The following MTA3 variants were observed in gnomAD, a reference collection of about 807,000 sequenced individuals.
MTA3 encodes the protein metastasis associated 1 family member 3.
In MTA3, 34 loss-of-function variants were observed where a neutral mutation model predicts 83.5. The observed-to-expected ratio is 0.41, with a 90% CI of 0.31 to 0.54. The LOEUF is 0.54. Among genes scored for constraint, MTA3 ranks in the 20% least tolerant of loss-of-function variants. The pLI, the probability that MTA3 is intolerant of heterozygous loss-of-function variation, is 0.33. For missense variants in MTA3, 761 were observed against 726.4 expected (o/e 1.05, Z -0.55); for synonymous variants, 303 against 252.7 (o/e 1.20, Z -1.89).
rs1267081027 is a variant in MTA3 at position 42,751,872 on chromosome 2, A to G, written c.1760-1502A>G. Among the ~76,000 whole-genome samples, 4 of 152,222 alleles carry G rather than the reference A, an allele frequency of 2.6e-5. No homozygotes were observed. In the East Asian group the frequency reaches 5.8e-4, roughly 22 times the overall value. ...GCTCCTAGGAGACGCTGACACTTAC[A>G]TAACCTTCCATTTAGACACTGAGGA... On this transcript the variant is annotated intron_variant, in intron 16 of 16. Coordinates refer to ENST00000405094, the MANE Select transcript of MTA3 (RefSeq NM_001330442.2).
chr2:42,588,148 G>C (rs1409616753), intron 3 of MTA3, among the ~76,000 whole-genome samples: 1 of 152,024 alleles, frequency 6.6e-6, no homozygotes, highest in Non-Finnish European at 1.5e-5. Flanking sequence ...ACTCCAATTA[G>C]CTTAATGAAT....
At chr2:42,625,699 A>G (rs1041094946) in intron 4 of MTA3, among the ~76,000 whole-genome samples, 2 of 147,434 alleles carry the variant, frequency 1.4e-5, no homozygotes, top group Non-Finnish European at 3.0e-5. Context: ...GTGAACCGAG[A>G]TCACGCCACT....
chr2:42,606,344 G>C (rs533473000), intron 3 of MTA3, among the ~76,000 whole-genome samples: 92 of 148,644 alleles, frequency 6.2e-4, no homozygotes, highest in African/African-American at 2.2e-3. Context: ...CCTCTCAGAC[G>C]GGGCAGCTGC....
chr2:42,591,873 T>C (rs1363622691), intron 3 of MTA3, among the ~76,000 whole-genome samples: 2 of 152,104 alleles, frequency 1.3e-5, no homozygotes, highest in African/African-American at 4.8e-5. Context: ...ATGGTCTCTA[T>C]CTCCTGACTT....
intron 3 of MTA3, among the ~76,000 whole-genome samples, chr2:42,596,334 C>T (rs964174677): frequency 6.6e-6 from 1 of 152,186 alleles, no homozygotes; most frequent in African/African-American, 2.4e-5. Context: ...CAGCTGTTAC[C>T]CCTTGATTGG....
intron 4 of MTA3, among the ~76,000 whole-genome samples, chr2:42,612,639 T>TC (rs1684366127): frequency 6.6e-6 from 1 of 152,136 alleles, no homozygotes; most frequent in Non-Finnish European, 1.5e-5. Flanking sequence ...GGCAGGTGGA[T>TC]CCCTTTAGGT....
At chr2:42,697,960 A>G (rs1693535993) in intron 11 of MTA3, 126 bp downstream of exon 11, 4 of 622,650 alleles carry the variant, frequency 6.4e-6, no homozygotes, top group Non-Finnish European at 1.1e-5. Flanking sequence ...ACAAAGCATG[A>G]GACTTACTAT....
chr2:42,618,649 C>G (rs1014257372), intron 4 of MTA3, among the ~76,000 whole-genome samples: 4 of 151,988 alleles, frequency 2.6e-5, no homozygotes, highest in Non-Finnish European at 5.9e-5. Flanking sequence ...GCTCTGTTGC[C>G]CAGGCTAGAG....
At chr2:42,508,931 G>T (rs995707466) in intron 2 of MTA3, among the ~76,000 whole-genome samples, 5 of 149,414 alleles carry the variant, frequency 3.3e-5, no homozygotes, top group Admixed American at 1.3e-4. Flanking sequence ...GGGGAAAGGG[G>T]TTATACATCT....
chr2:42,584,506 T>G (rs1287487262), intron 3 of MTA3, among the ~76,000 whole-genome samples: 1 of 152,224 alleles, frequency 6.6e-6, no homozygotes, highest in African/African-American at 2.4e-5. Context: ...CATATATTAT[T>G]TTCTGAACCA....
intron 16 of MTA3, among the ~76,000 whole-genome samples, chr2:42,748,989 A>C (rs1222044238): frequency 1.3e-5 from 2 of 152,180 alleles, no homozygotes; most frequent in Admixed American, 6.5e-5. Context: ...CTTTAACTTC[A>C]CAGAACTTGA....
At chr2:42,632,288 C>T (rs1038921633) in intron 4 of MTA3, among the ~76,000 whole-genome samples, 2 of 151,930 alleles carry the variant, frequency 1.3e-5, no homozygotes, top group African/African-American at 4.8e-5. Context: ...GACAGGGTTT[C>T]ACCGTGTTAG....
chr2:42,652,984 C>G lies in MTA3; in HGVS notation c.500-3216C>G, dbSNP rs746328516. 1.6e-4 allele frequency among the ~76,000 whole-genome samples: 24 copies of G among 152,218 alleles called. No homozygotes were observed. In the South Asian group the frequency reaches 2.3e-3, roughly 14 times the overall value. On this transcript the variant is annotated intron_variant, in intron 6 of 16. Transcript: ENST00000405094. ...TGTTTCAAATTGCCTAGGAAAGGGC[C>G]TTTAGGAATCCTTAGTTCTTCAGAG...
intron 2 of MTA3, among the ~76,000 whole-genome samples, chr2:42,558,633 C>T (rs576746073): frequency 1.3e-5 from 2 of 151,566 alleles, no homozygotes; most frequent in South Asian, 4.2e-4. Flanking sequence ...CAGGTCACTG[C>T]ACCTCCGCCT....
chr2:42,558,110 G>A (rs979432404), intron 2 of MTA3, among the ~76,000 whole-genome samples: 3 of 151,946 alleles, frequency 2.0e-5, no homozygotes, highest in African/African-American at 7.3e-5. Flanking sequence ...CTTGGCTTTT[G>A]GGACCGGTAC....
In MTA3 at chr2:42,652,810, T is replaced by G. The variant is rs143051608; in HGVS notation, c.500-3390T>G. Among the ~76,000 whole-genome samples, 342 of 152,376 alleles carry G rather than the reference T, an allele frequency of 2.2e-3. 3 individuals carry two copies. Among genetic ancestry groups the G allele is most frequent in the African/African-American group, 7.9e-3 (327 of 41,590 alleles). Reference sequence around the variant, plus strand: ...CTTGTTATTCTTTTGATTCATAACTTAATATGTTGGCCAGAACTTTCAGGA... The same window carrying G: ...CTTGTTATTCTTTTGATTCATAACTGAATATGTTGGCCAGAACTTTCAGGA... On this transcript the variant is annotated intron_variant, in intron 6 of 16. Transcript: ENST00000405094.
At chr2:42,737,648 T>G (rs1668708296) in intron 16 of MTA3, among the ~76,000 whole-genome samples, 1 of 152,222 alleles carries the variant, frequency 6.6e-6, no homozygotes, top group Admixed American at 6.5e-5. Context: ...CCTCTTTTCA[T>G]GTACTTTATA....
At chr2:42,577,424 C>G (rs1451324937) in intron 2 of MTA3, among the ~76,000 whole-genome samples, 3 of 151,486 alleles carry the variant, frequency 2.0e-5, no homozygotes, top group Non-Finnish European at 2.9e-5. Context: ...TATAGCATCC[C>G]TATTGGAGGA....
chr2:42,651,403 C>T (rs1688704092), intron 6 of MTA3, among the ~76,000 whole-genome samples: 1 of 152,064 alleles, frequency 6.6e-6, no homozygotes, highest in Non-Finnish European at 1.5e-5. Flanking sequence ...TTTGACTCTT[C>T]TATAAAAACA....
Sources: allele counts gnomAD v4.1 joint callset (sites outside exome capture counted in the v4.1 genomes callset), GRCh38; gene constraint gnomAD v4.1.1; transcripts MANE v1.5; gene names NCBI Gene and HGNC (gene_info 2026-07-23, HGNC 2026-07-21).